JMJD1C: variants seen among roughly 807,000 people sequenced by gnomAD.
The protein encoded by JMJD1C is jumonji domain-containing protein 1C.
In JMJD1C, 31 loss-of-function variants were observed where a neutral mutation model predicts 245.3. That is an observed-to-expected ratio of 0.13 (90% CI 0.09 to 0.17). JMJD1C has a LOEUF of 0.17. Among genes scored for constraint, JMJD1C ranks in the 10% least tolerant of loss-of-function variants. JMJD1C has a pLI of 1.00. For missense variants in JMJD1C, 2,691 were observed against 3,000.2 expected (o/e 0.90, Z 2.41); for synonymous variants, 1,057 against 1,017.4 (o/e 1.04, Z -0.74).
intron 13 of JMJD1C, among the ~76,000 whole-genome samples, chr10:63,195,021 A>G (rs1845282085): frequency 6.6e-6 from 1 of 152,146 alleles, no homozygotes; most frequent in Admixed American, 6.6e-5. Flanking sequence ...TGGCTACAAG[A>G]GTTTCAGTGT....
intron 3 of JMJD1C, among the ~76,000 whole-genome samples, chr10:63,235,764 T>A (rs1189085605): frequency 6.6e-6 from 1 of 152,158 alleles, no homozygotes; most frequent in Admixed American, 6.6e-5. Context: ...CAAAGGTCTG[T>A]CTAATGTCAA....
At chr10:63,194,861 C>T (rs909456335) in intron 13 of JMJD1C, among the ~76,000 whole-genome samples, 41 of 152,284 alleles carry the variant, frequency 2.7e-4, no homozygotes, top group African/African-American at 9.9e-4. Context: ...CTATTAACTG[C>T]TATTGCTGAC....
At chr10:63,439,708 AAC>A (rs1200886512) in intron 1 of JMJD1C, among the ~76,000 whole-genome samples, 1 of 152,196 alleles carries the variant, frequency 6.6e-6, no homozygotes, top group Non-Finnish European at 1.5e-5. Flanking sequence ...ATAATTGAAA[AAC>A]AGACCGTATA....
chr10:63,182,493 A>G (rs775549192), intron 22 of JMJD1C, among the ~76,000 whole-genome samples: 34 of 152,342 alleles, frequency 2.2e-4, no homozygotes, highest in Middle Eastern at 3.4e-3. Flanking sequence ...AGATGGTAAA[A>G]TATTTCTTAT....
intron 1 of JMJD1C, among the ~76,000 whole-genome samples, chr10:63,451,559 TTAGG>T (rs748121683): frequency 3.3e-5 from 5 of 152,214 alleles, no homozygotes; most frequent in Non-Finnish European, 7.4e-5. Context: ...TTACACTGCA[TTAGG>T]TATTATAAGT....
At chr10:63,193,584 T>C in intron 14 of JMJD1C, 112 bp from the exon 15 acceptor site, 1 of 646,844 alleles carries the variant, frequency 1.5e-6, no homozygotes, top group South Asian at 2.7e-5. Flanking sequence ...GGTTTTCTTG[T>C]GCCCTTTAAA....
chr10:63,217,001 G>A (rs1848069896), intron 5 of JMJD1C, among the ~76,000 whole-genome samples: 1 of 152,184 alleles, frequency 6.6e-6, no homozygotes, highest in Non-Finnish European at 1.5e-5. Context: ...GATTTTATCA[G>A]TGTTGAAATA....
upstream of JMJD1C, chr10:63,466,445 G>A (rs1953289173): frequency 6.6e-6 from 1 of 152,484 alleles, no homozygotes; most frequent in East Asian, 1.9e-4. Flanking sequence ...AAGCCCCAAA[G>A]TCACAGCAGA....
At chr10:63,445,325 A>G (rs933705330) in intron 1 of JMJD1C, among the ~76,000 whole-genome samples, 2 of 152,216 alleles carry the variant, frequency 1.3e-5, no homozygotes, top group African/African-American at 2.4e-5. Context: ...GGTCAATTTT[A>G]GATAAGGTAG....
At chr10:63,226,840 C>T (rs949976039) in intron 3 of JMJD1C, among the ~76,000 whole-genome samples, 3 of 151,626 alleles carry the variant, frequency 2.0e-5, no homozygotes, top group African/African-American at 7.3e-5. Flanking sequence ...GGTGGATCAC[C>T]TGAGGTCATG....
chr10:63,266,765 T>C (rs989415415), intron 2 of JMJD1C, among the ~76,000 whole-genome samples: 1 of 152,168 alleles, frequency 6.6e-6, no homozygotes, highest in Non-Finnish European at 1.5e-5. Context: ...TAAGTAGGAT[T>C]TGAAAAAGAA....
At chr10:63,277,485 T>C (rs942429212) in intron 2 of JMJD1C, among the ~76,000 whole-genome samples, 1 of 152,172 alleles carries the variant, frequency 6.6e-6, no homozygotes, top group African/African-American at 2.4e-5. Flanking sequence ...CCTTTATAGA[T>C]GGGTAAATTT....
chr10:63,176,176 G>A (rs1842844568), intron 24 of JMJD1C, 121 bp downstream of exon 24: 3 of 538,756 alleles, frequency 5.6e-6, no homozygotes, highest in Non-Finnish European at 9.6e-6. Context: ...AAGGCAGACT[G>A]GTGCAGGTAA....
chr10:63,204,611 G>A, intron 10 of JMJD1C: 2 of 985,294 alleles, frequency 2.0e-6, no homozygotes, highest in Non-Finnish European at 2.4e-6. Context: ...GAATTCATGG[G>A]GGTAGTGAGG....
intron 1 of JMJD1C, chr10:63,489,662 A>G (rs1954106230): frequency 6.6e-6 from 1 of 152,502 alleles, no homozygotes; most frequent in Non-Finnish European, 1.5e-5. Flanking sequence ...ACAGGCATGC[A>G]CTACCACACC....
At chr10:63,192,766 C>T (rs1175527893) in intron 16 of JMJD1C, among the ~76,000 whole-genome samples, 172 bp downstream of exon 16, 1 of 151,938 alleles carries the variant, frequency 6.6e-6, no homozygotes, top group African/African-American at 2.4e-5. Flanking sequence ...CAGGCTAGTT[C>T]CTAATAAGTG....
intron 18 of JMJD1C, among the ~76,000 whole-genome samples, chr10:63,188,778 T>C (rs1370555860): frequency 1.3e-5 from 2 of 152,132 alleles, no homozygotes; most frequent in Non-Finnish European, 2.9e-5. Context: ...GATAAGAACA[T>C]CTACATAGGT....
At chr10:63,175,456 C>A (rs1325708589) in intron 24 of JMJD1C, among the ~76,000 whole-genome samples, 1 of 152,166 alleles carries the variant, frequency 6.6e-6, no homozygotes, top group African/African-American at 2.4e-5. Flanking sequence ...GACCCTGAAT[C>A]TGACACATCC....
chr10:63,173,034 G>A (rs1365862398), intron 24 of JMJD1C, among the ~76,000 whole-genome samples: 2 of 151,872 alleles, frequency 1.3e-5, no homozygotes, highest in Admixed American at 6.6e-5. Flanking sequence ...GTGTAAGCAT[G>A]GAATCTCTTT....
Sources: gnomAD v4.1 joint callset for allele counts (sites outside exome capture counted in the v4.1 genomes callset) on GRCh38, gnomAD v4.1.1 for gene constraint, MANE v1.5 for transcripts, NCBI Gene and HGNC (gene_info 2026-07-23, HGNC 2026-07-21) for gene names.